Variants in MYO1G observed in about 807,000 individuals in gnomAD.
MYO1G encodes myosin IG, also known as unconventional myosin-Ig.
Under a neutral mutation model 115.3 loss-of-function variants are expected in MYO1G, and 65 were observed. The ratio of observed to expected loss-of-function variants is 0.56; its 90% CI spans 0.46 to 0.69. The LOEUF is 0.69. Among genes scored for constraint, MYO1G ranks in the 30% least tolerant of loss-of-function variants. The pLI, the probability that MYO1G is intolerant of heterozygous loss-of-function variation, is 0.00. For missense variants in MYO1G, 1,204 were observed against 1,393.5 expected, an observed-to-expected ratio of 0.86 and a Z score of 2.16; for synonymous variants, 510 against 552.6, an observed-to-expected ratio of 0.92 and a Z score of 1.08.
chr7:44,978,885 A>T lies in MYO1G; in HGVS notation c.77T>A (p.Met26Lys), dbSNP rs1456032916. 1 of 1,614,170 alleles carries T rather than the reference A, an allele frequency of 6.2e-7. No homozygotes were observed. Among genetic ancestry groups the T allele is most frequent in the Admixed American group, 1.7e-5 (1 of 60,032 alleles). ...GGCCTACCTGAGCTGCAGGTTCCTC[A>T]TGAAGTCCTCCATGGTCACTTGGTC... The part of the protein sequence containing the change: ...LLDQVTMEDF[M>K]RNLQLRFEKG... The change falls in exon 1 of 22, where the codon ATG becomes AAG. Residue 26 changes from methionine (M) to lysine (K), a missense_variant. Coordinates refer to ENST00000258787, the MANE Select transcript of MYO1G (RefSeq NM_033054.3).
At chr7:44,972,317 C>G (rs1794974454) in intron 5 of MYO1G, 92 bp from the exon 6 acceptor site, 1 of 959,162 alleles carries the variant, frequency 1.0e-6, no homozygotes, top group East Asian at 2.4e-5. Flanking sequence ...ACTTGCGCTT[C>G]CTTCCAGTAT....
chr7:44,976,492 G>T, intron 3 of MYO1G, 72 bp downstream of exon 3: 1 of 1,456,460 alleles, frequency 6.9e-7, no homozygotes, highest in Non-Finnish European at 9.6e-7. Flanking sequence ...ACTCCCCAGA[G>T]CCAGCCCTTC....
At chr7:44,973,430 G>C (rs1794995837) in intron 5 of MYO1G, 2 of 152,032 alleles carry the variant, frequency 1.3e-5, no homozygotes, top group African/African-American at 2.4e-5. Context: ...CAGCCCACCT[G>C]AGTGGGCAGC....
rs1445104700 is a variant in MYO1G, at chr7:44,963,961, A to T, written c.2745+88T>A. On this transcript the variant is annotated intron_variant, in intron 20 of 21. Coordinates refer to ENST00000258787, the MANE Select transcript of MYO1G (RefSeq NM_033054.3). This position sits in a 1 kb window ranked among gnomAD's most constrained non-coding sequence, Gnocchi z 4.1. Reference sequence around the variant, plus strand: ...ATGGTCTGGGCCATCTCAGGTAAACAGGGGAGAGAAGACTGAGGCAGGACT... The same window carrying T: ...ATGGTCTGGGCCATCTCAGGTAAACTGGGGAGAGAAGACTGAGGCAGGACT... 2 of 1,086,584 alleles carry T rather than the reference A, an allele frequency of 1.8e-6. No individual in the cohort carries two copies. The highest frequency in any genetic ancestry group is 2.7e-6 in the Non-Finnish European group (2 of 735,978). The allele number at this position is 1,086,584 out of a possible 1,614,324, so 67.3% of individuals were successfully genotyped here. A position where few individuals can be genotyped will look rare whatever the true frequency, so the allele number is the denominator to read the frequency against.
chr7:44,973,349 C>T (rs142160119), intron 5 of MYO1G: 1 of 152,250 alleles, frequency 6.6e-6, no homozygotes, highest in East Asian at 1.9e-4. Flanking sequence ...GAGATAGTGC[C>T]CCTGTCCCAG....
chr7:44,964,981 GC>G lies in MYO1G; in HGVS notation c.2489del (p.Gly830AlafsTer28). 1 of 1,605,474 alleles carries G rather than the reference GC, an allele frequency of 6.2e-7. No individual in the cohort carries two copies. The highest frequency in any genetic ancestry group is 2.2e-5 in the East Asian group (1 of 44,582). ...AGTCTCGGGCCCAGGCCCGTCGGCA[GC>G]CCCAGTCCTGACGAAGCCCTTGCAG... The part of the protein sequence containing the change: ...GALQGLRQDW[G>X]CRRAWARDYL... On this transcript the variant is annotated frameshift_variant, in exon 18 of 22. Coordinates refer to ENST00000258787, the MANE Select transcript of MYO1G (RefSeq NM_033054.3). LOFTEE classifies it high-confidence loss of function. The surrounding 1 kb of genome is among the most constrained non-coding windows in gnomAD (Gnocchi z 5.1).
chr7:44,962,877 C>A lies in MYO1G; in HGVS notation c.2919G>T (p.Glu973Asp). 1 of 1,494,002 alleles carries A rather than the reference C, an allele frequency of 6.7e-7. No individual in the cohort carries two copies. The allele number at this position is 1,494,002 out of a possible 1,614,324, so 92.5% of individuals were successfully genotyped here. Reference protein sequence around the residue: ...AHCQGEGRTLEVRVSDCIPLS... With the variant: ...AHCQGEGRTLDVRVSDCIPLS... The stretch of plus-strand genomic sequence containing the variant: ...GTGGGATGCAGTCGGAGACGCGAAC[C>A]TCCAGGGTGCGGCCCTCCCTGCGGC... Residue 973 changes from glutamate (E) to aspartate (D), a missense_variant, in exon 22 of 22, where the codon GAG (glutamate) becomes GAT (aspartate). Physicochemically the swap from Glu to Asp is conservative, Grantham distance 45. Transcript: ENST00000258787. The surrounding 1 kb of genome is among the most constrained non-coding windows in gnomAD (Gnocchi z 5.3).
At chr7:44,975,076 GA>G in intron 5 of MYO1G, 97 bp downstream of exon 5, 1 of 1,264,096 alleles carries the variant, frequency 7.9e-7, no homozygotes, top group South Asian at 1.2e-5. Flanking sequence ...CAGAGAGGGG[GA>G]ATTGGGGTAG....
Position 44,963,211 on chromosome 7 carries a change from C to T in MYO1G, c.2746-87G>A, listed in dbSNP as rs1002391502. 2 of 1,368,386 alleles carry T rather than the reference C, an allele frequency of 1.5e-6. No homozygotes were observed. Among genetic ancestry groups the T allele is most frequent in the African/African-American group, 1.5e-5 (1 of 64,950 alleles). The allele number at this position is 1,368,386 out of a possible 1,614,324, so 84.8% of individuals were successfully genotyped here. A position where few individuals can be genotyped will look rare whatever the true frequency, so the allele number is the denominator to read the frequency against. On this transcript the variant is annotated intron_variant, in intron 20 of 21. Coordinates refer to ENST00000258787, the MANE Select transcript of MYO1G (RefSeq NM_033054.3). The surrounding 1 kb of genome is among the most constrained non-coding windows in gnomAD (Gnocchi z 4.1). ...CACCCCCTCCCCAGGAAGCCTCTGC[C>T]GAACCCCCAACCGCACCCGGGGAGC...
At chr7:44,975,118 G>C in intron 5 of MYO1G, 56 bp downstream of exon 5, 2 of 1,565,366 alleles carry the variant, frequency 1.3e-6, no homozygotes, top group Non-Finnish European at 1.8e-6. Flanking sequence ...GGTCCAGCTT[G>C]CTGCCCTCCC....
At chr7:44,965,547 C>T in intron 17 of MYO1G, 90 bp downstream of exon 17, 2 of 1,246,944 alleles carry the variant, frequency 1.6e-6, no homozygotes, top group South Asian at 1.3e-5. Context: ...TGGTGTATCT[C>T]CCATCCAGGC....
At chr7:44,972,058 C>G in intron 6 of MYO1G, 57 bp downstream of exon 6, 1 of 1,353,808 alleles carries the variant, frequency 7.4e-7, no homozygotes, top group Non-Finnish European at 1.1e-6. Flanking sequence ...TCCCTACCAC[C>G]ACACTCAGGC....
Position 44,970,651 on chromosome 7 carries a change from G to T in MYO1G, c.1158C>A (p.Gly386=). The change falls in exon 9 of 22, where the codon GGC becomes GGA. Residue 386 remains glycine (G), a synonymous_variant. Coordinates refer to ENST00000258787, the MANE Select transcript of MYO1G (RefSeq NM_033054.3). ...CCAGCACGCCAATGACTGTGTCCTTGCCATCACGCCGAGGATCCCGGCCCC... is the reference window on the plus strand; with the variant it reads ...CCAGCACGCCAATGACTGTGTCCTTTCCATCACGCCGAGGATCCCGGCCCC... ...EPRGRDPRRD[G]KDTVIGVLDI... 1 of 1,613,930 alleles carries T rather than the reference G, an allele frequency of 6.2e-7. No individual in the cohort carries two copies. The highest frequency in any genetic ancestry group is 2.2e-5 in the East Asian group (1 of 44,892).
At position 44,969,719 on chromosome 7, in the gene MYO1G, A is replaced by G; in HGVS notation, c.1489T>C (p.Tyr497His). 1 of 1,611,538 alleles carries G rather than the reference A, an allele frequency of 6.2e-7. No homozygotes were observed. ...GCCGGGGGCACCTGGCGGCTGGTGTAGTGTAGGTGATGGCGGTGGTGCATG... is the reference window on the plus strand; with the variant it reads ...GCCGGGGGCACCTGGCGGCTGGTGTGGTGTAGGTGATGGCGGTGGTGCATG... ...LDMHHRHHLH[Y>H]TSRQLCPTDK... Residue 497 changes from tyrosine to histidine, a missense_variant, in exon 11 of 22, where the codon TAC (tyrosine) becomes CAC (histidine). Tyr to His is a moderately conservative substitution (Grantham distance 83, BLOSUM62 2). Coordinates refer to ENST00000258787, the MANE Select transcript of MYO1G (RefSeq NM_033054.3). This position sits in a 1 kb window ranked among gnomAD's most constrained non-coding sequence, Gnocchi z 5.0.
chr7:44,974,760 C>T lies in MYO1G; in HGVS notation c.618+414G>A, dbSNP rs79034120. 6.2e-3 allele frequency: 1,369 copies of T among 220,010 alleles called. 8 individuals are homozygous for T. Among genetic ancestry groups the T allele is most frequent in the Non-Finnish European group, 9.8e-3 (1,032 of 105,820 alleles). The allele number at this position is 220,010 out of a possible 1,614,324, so 13.6% of individuals were successfully genotyped here. ...AGCTTGTGGAGACAGTCCCTGGGCG[C>T]GCCTATCTCACAGAGGTGCTCAGAG... On this transcript the variant is annotated intron_variant, in intron 5 of 21. Transcript: ENST00000258787.
At chr7:44,970,427 G>C (rs1203749000) in intron 9 of MYO1G, among the ~76,000 whole-genome samples, 165 bp downstream of exon 9, 1 of 152,202 alleles carries the variant, frequency 6.6e-6, no homozygotes, top group African/African-American at 2.4e-5. Context: ...TCAATGGTCA[G>C]AGGGTGCAGG....
chr7:44,976,809 A>G (rs1284030576), intron 2 of MYO1G, 54 bp downstream of exon 2: 6 of 1,599,640 alleles, frequency 3.8e-6, no homozygotes, highest in Non-Finnish European at 5.1e-6. Context: ...GGCCCTCCCA[A>G]ATGTTCACAA....
chr7:44,977,318 AGGGATCCC>A (rs1237402743), intron 1 of MYO1G, among the ~76,000 whole-genome samples: 1 of 152,174 alleles, frequency 6.6e-6, no homozygotes, highest in African/African-American at 2.4e-5. Context: ...TGGTCTCCCC[AGGGATCCC>A]AAGGTCACTG....
chr7:44,965,917 TA>T (rs1794833089), intron 16 of MYO1G, 57 bp from the exon 17 acceptor site: 2 of 1,571,818 alleles, frequency 1.3e-6, no homozygotes, highest in South Asian at 2.2e-5. Context: ...CCCTAACCCT[TA>T]GACCCAAACC....
Sources: allele counts gnomAD v4.1 joint callset (sites outside exome capture counted in the v4.1 genomes callset), GRCh38; gene constraint gnomAD v4.1.1; non-coding constraint Gnocchi (gnomAD v3.1); transcripts MANE v1.5; gene names NCBI Gene and HGNC (gene_info 2026-07-23, HGNC 2026-07-21).